NFAT5: variants seen among roughly 807,000 people sequenced by gnomAD.
NFAT5 encodes nuclear factor of activated T cells 5.
NFAT5 carries 31 observed loss-of-function variants against 166.5 expected under a neutral mutation model. The observed-to-expected ratio is 0.19, with a 90% confidence interval of 0.14 to 0.25. The LOEUF (loss-of-function observed/expected upper bound fraction) is 0.25. Among genes scored for constraint, NFAT5 ranks in the 10% least tolerant of loss-of-function variants. NFAT5 has a pLI of 1.00. For missense variants in NFAT5, 1,449 were observed against 1,821.8 expected, an observed-to-expected ratio of 0.80 and a Z score of 3.72; for synonymous variants, 612 against 639.7, an observed-to-expected ratio of 0.96 and a Z score of 0.65.
intron 2 of NFAT5, among the ~76,000 whole-genome samples, chr16:69,593,456 G>A (rs1011170773): frequency 1.3e-5 from 2 of 151,472 alleles, no homozygotes; most frequent in African/African-American, 4.9e-5. Context: ...GACCACAGGT[G>A]TGCACCACCA....
In NFAT5 at chr16:69,694,033, A is replaced by G; in HGVS notation, c.4208A>G (p.Gln1403Arg). 3 of 1,614,198 alleles carry G rather than the reference A, an allele frequency of 1.9e-6. No individual in the cohort carries two copies. Among genetic ancestry groups the G allele is most frequent in the Non-Finnish European group, 2.5e-6 (3 of 1,180,032 alleles). The change falls in exon 13 of 15, where the codon CAG becomes CGG. Residue 1403 changes from glutamine (Q) to arginine (R), a missense_variant. Transcript: ENST00000349945. ...TCTCCAGCATCCATGTCTGCCTTGC[A>G]GACCAGTATAAATCAACAAGATATG... ...FLSPASMSAL[Q>R]TSINQQDMQQ...
At chr16:69,657,981 A>T in intron 6 of NFAT5, among the ~76,000 whole-genome samples, 1 of 143,714 alleles carries the variant, frequency 7.0e-6, no homozygotes, top group African/African-American at 2.5e-5. Flanking sequence ...GCTACTCCAG[A>T]GGCTGAGGCA....
intron 3 of NFAT5, among the ~76,000 whole-genome samples, chr16:69,628,355 A>T (rs1305394987): frequency 6.6e-6 from 1 of 152,122 alleles, no homozygotes; most frequent in Non-Finnish European, 1.5e-5. Context: ...CATTCTTATT[A>T]TCTTGAAATT....
chr16:69,693,147 GGTTCTCTCTTTCATAGTC>G lies in NFAT5; in HGVS notation c.3323_3340del (p.Gly1108_Pro1114delinsAla). 6.2e-7 allele frequency: 1 copy of G among 1,614,100 alleles called. No homozygotes were observed. The highest frequency in any genetic ancestry group is 8.5e-7 in the Non-Finnish European group (1 of 1,180,032). On this transcript the variant is annotated inframe_deletion, in exon 13 of 15. Coordinates refer to ENST00000349945, the MANE Select transcript of NFAT5 (RefSeq NM_138713.4). ...TCAGAACCTTTCCCAGGAAACTCAA[GGTTCTCTCTTTCATAGTC>G]CAAATCCTATTGTCCACAGTCAGAC...
chr16:69,691,905 A>G lies in NFAT5; in HGVS notation c.2080A>G (p.Thr694Ala), dbSNP rs2037559442. 6.2e-7 allele frequency: 1 copy of G among 1,614,196 alleles called. No individual in the cohort carries two copies. The highest frequency in any genetic ancestry group is 1.3e-5 in the African/African-American group (1 of 75,050). Residue 694 changes from threonine to alanine, a missense_variant, in exon 13 of 15, where the codon ACA becomes GCA. Around this residue, in one of 7 missense-constraint regions of NFAT5, gnomAD observed 891 missense variants for 993.0 expected, o/e 0.90. Transcript: ENST00000349945. The stretch of plus-strand genomic sequence containing the variant: ...CAAGGCATACAACCCAGAGACCCTG[A>G]CAACTATTCAAACCCAGGACATCTC... ...QPKAYNPETL[T>A]TIQTQDISQP...
At chr16:69,695,980 A>T (rs1453822309) in intron 14 of NFAT5, among the ~76,000 whole-genome samples, 2 of 152,196 alleles carry the variant, frequency 1.3e-5, no homozygotes, top group Non-Finnish European at 2.9e-5. Flanking sequence ...TATCCCCAAG[A>T]TATCTCATTG....
intron 2 of NFAT5, among the ~76,000 whole-genome samples, chr16:69,577,604 G>C (rs1033130894): frequency 6.6e-6 from 1 of 152,132 alleles, no homozygotes; most frequent in African/African-American, 2.4e-5. Context: ...CCTATGGTAA[G>C]AAAAAGCAGA....
chr16:69,588,980 C>CTTTTTTT (rs945918292), intron 2 of NFAT5, among the ~76,000 whole-genome samples: 364 of 34,314 alleles, frequency 0.011, 21 homozygotes, highest in East Asian at 0.024. Context: ...TTTCCTACTT[C>CTTTTTTT]TTTTTTTTTT....
Position 69,680,920 on chromosome 16 carries a change from T to C in NFAT5, c.1690+3585T>C, listed in dbSNP as rs1387063486. On this transcript the variant is annotated intron_variant, in intron 10 of 14. Coordinates refer to ENST00000349945, the MANE Select transcript of NFAT5 (RefSeq NM_138713.4). ...GACTACAGGTGCCCACCACCACACC[T>C]GGCTAATTTTTGTATTTTTAGTAGA... Among the ~76,000 whole-genome samples, 3 of 152,084 alleles carry C rather than the reference T, an allele frequency of 2.0e-5. No individual in the cohort carries two copies. The East Asian group carries it at 5.8e-4, about 29-fold the overall frequency.
intron 11 of NFAT5, 198 bp from the exon 12 acceptor site, chr16:69,690,742 C>G (rs995524174): frequency 1.1e-5 from 4 of 361,798 alleles, no homozygotes; most frequent in African/African-American, 6.3e-5. Context: ...TAGTTCCAGG[C>G]CCATTCCAGA....
At chr16:69,579,908 A>T (rs2142924996) in intron 2 of NFAT5, among the ~76,000 whole-genome samples, 1 of 152,314 alleles carries the variant, frequency 6.6e-6, no homozygotes, top group Non-Finnish European at 1.5e-5. Flanking sequence ...AACTGTAACG[A>T]GGAATGGATG....
At chr16:69,606,722 G>A (rs1477491100) in intron 2 of NFAT5, among the ~76,000 whole-genome samples, 2 of 152,100 alleles carry the variant, frequency 1.3e-5, no homozygotes, top group African/African-American at 2.4e-5. Context: ...TGGGCGTGGT[G>A]GTACGCCTGT....
intron 3 of NFAT5, among the ~76,000 whole-genome samples, chr16:69,633,986 AT>A (rs1352484245): frequency 6.6e-6 from 1 of 152,028 alleles, no homozygotes; most frequent in Non-Finnish European, 1.5e-5. Flanking sequence ...AATTAAAAAA[AT>A]CATACATGGG....
At chr16:69,582,596 C>T (rs1401705869) in intron 2 of NFAT5, among the ~76,000 whole-genome samples, 1 of 149,896 alleles carries the variant, frequency 6.7e-6, no homozygotes, top group Non-Finnish European at 1.5e-5. Context: ...GTTGCCTGAG[C>T]ACTATTTGTT....
chr16:69,690,819 G>C (rs2037515860), intron 11 of NFAT5, 121 bp from the exon 12 acceptor site: 1 of 772,322 alleles, frequency 1.3e-6, no homozygotes, highest in African/African-American at 1.8e-5. Context: ...TGTATCTCAT[G>C]CTACCATTGT....
chr16:69,639,458 A>G (rs2035110329), intron 3 of NFAT5, among the ~76,000 whole-genome samples: 1 of 152,210 alleles, frequency 6.6e-6, no homozygotes, highest in Non-Finnish European at 1.5e-5. Context: ...TAATTGTTTT[A>G]TAACATTAGA....
chr16:69,566,223 C>G lies in NFAT5; in HGVS notation c.-79C>G. 7.3e-7 allele frequency: 1 copy of G among 1,362,158 alleles called. No individual in the cohort carries two copies. Among genetic ancestry groups the G allele is most frequent in the Non-Finnish European group, 1.0e-6 (1 of 984,364 alleles). 84.4% of individuals were successfully genotyped at this position (1,362,158 alleles called of 1,614,324 possible). On this transcript the variant is annotated 5_prime_UTR_variant, in exon 1 of 15. Coordinates refer to ENST00000349945, the MANE Select transcript of NFAT5 (RefSeq NM_138713.4). This position sits in a 1 kb window ranked among gnomAD's most constrained non-coding sequence, Gnocchi z 5.7. ...GTCGCCGCCCCCGGTTCGGTGCCCG[C>G]GGTCCCGGAGAGGAGGTGCCGCCGC...
chr16:69,587,371 C>G (rs547343409), intron 2 of NFAT5, among the ~76,000 whole-genome samples: 1 of 112,288 alleles, frequency 8.9e-6, no homozygotes, highest in Non-Finnish European at 1.8e-5. Context: ...CCACCATGCC[C>G]GGCCTATTTT....
chr16:69,649,694 A>G, intron 4 of NFAT5: 1 of 367,676 alleles, frequency 2.7e-6, no homozygotes, highest in East Asian at 1.7e-4. Context: ...CGGCCTTAAA[A>G]ATAATTTTTC....
Sources: allele counts gnomAD v4.1 joint callset (sites outside exome capture counted in the v4.1 genomes callset), GRCh38; gene constraint gnomAD v4.1.1; regional missense constraint gnomAD v4.1.1; non-coding constraint Gnocchi (gnomAD v3.1); transcripts MANE v1.5; gene names NCBI Gene and HGNC (gene_info 2026-07-23, HGNC 2026-07-21).